SSUH2: variants seen among roughly 807,000 people sequenced by gnomAD.
The protein encoded by SSUH2 is protein SSUH2 homolog.
A neutral mutation model predicts 55.3 loss-of-function variants in SSUH2; 47 were observed. The ratio of observed to expected loss-of-function variants is 0.85; its 90% confidence interval spans 0.67 to 1.08. SSUH2 has a LOEUF of 1.08. SSUH2 is among the 50% of genes least tolerant of loss of function. The pLI is 0.00. For synonymous variants in SSUH2, 212 were observed against 191.5 expected (o/e 1.11, Z -0.89); for missense variants, 535 against 490.7 (o/e 1.09, Z -0.85).
chr3:8,648,749 T>C (rs114911226), upstream of SSUH2, among the ~76,000 whole-genome samples: 2,461 of 152,120 alleles, frequency 0.016, 61 homozygotes, highest in African/African-American at 0.056. Flanking sequence ...AAAACACAGG[T>C]GGGGAAATGA....
chr3:8,678,647 T>C lies in SSUH2; in HGVS notation c.-901+1058A>G, dbSNP rs13076018. Among the ~76,000 whole-genome samples the C allele has an allele frequency of 1.6e-4, 4 of 24,924 alleles. 1 individual carries two copies. The highest frequency in any genetic ancestry group is 1.3e-3 in the Admixed American group (3 of 2,378). 16.4% of individuals were successfully genotyped at this position (24,924 alleles called of 152,430 possible). ...CCGGCTTTTGGGACCCCCATCGCAG[T>C]GGGGGGAGGCACCCCCCGCGAGGCG... On this transcript the variant is annotated intron_variant, in intron 2 of 18. Transcript: ENST00000317371.
At chr3:8,665,324 G>C (rs1164732633) in intron 5 of SSUH2, among the ~76,000 whole-genome samples, 1 of 152,162 alleles carries the variant, frequency 6.6e-6, no homozygotes, top group Non-Finnish European at 1.5e-5. Context: ...TAGAGAGGGA[G>C]AATGTCCAGC....
At chr3:8,637,026 T>C (rs1276335811) in intron 1 of SSUH2, among the ~76,000 whole-genome samples, 1 of 152,218 alleles carries the variant, frequency 6.6e-6, no homozygotes, top group Non-Finnish European at 1.5e-5. Context: ...TTTTCTACTT[T>C]ATGATGGTAC....
intron 4 of SSUH2, among the ~76,000 whole-genome samples, chr3:8,632,893 T>A (rs1470105583): frequency 1.3e-5 from 2 of 152,192 alleles, no homozygotes; most frequent in East Asian, 3.9e-4. Context: ...CCATGCCTTG[T>A]GGAAGTATGA....
intron 5 of SSUH2, among the ~76,000 whole-genome samples, chr3:8,631,726 A>G (rs1698820901): frequency 6.6e-6 from 1 of 152,040 alleles, no homozygotes; most frequent in Non-Finnish European, 1.5e-5. Context: ...TAGGGGTGGC[A>G]TGAGGGGGTG....
intron 4 of SSUH2, among the ~76,000 whole-genome samples, chr3:8,671,701 T>C (rs1004692439): frequency 6.6e-6 from 1 of 152,134 alleles, no homozygotes; most frequent in African/African-American, 2.4e-5. Flanking sequence ...GTGACTTTAG[T>C]AGCGGCATGT....
At chr3:8,646,543 C>G (rs537517630), upstream of SSUH2, among the ~76,000 whole-genome samples, 2 of 152,182 alleles carry the variant, frequency 1.3e-5, no homozygotes, top group Non-Finnish European at 2.9e-5. Flanking sequence ...CTTTTCTGCA[C>G]GCTACTTAGA....
Position 8,626,241 on chromosome 3 carries a change from A to G in SSUH2, c.755T>C (p.Leu252Pro), listed in dbSNP as rs776222458. Residue 252 changes from leucine (L) to proline (P), a missense_variant, in exon 9 of 12, where the codon CTT becomes CCT. Physicochemically the swap from Leu to Pro is moderately conservative, Grantham distance 98 (BLOSUM62 -3). Coordinates refer to ENST00000544814, the MANE Select transcript of SSUH2 (RefSeq NM_001256748.3). ...GEKKLLHFIQ[L>P]VIMWKNSLFE... ...CACTGCCACATACCACATGATGACA[A>G]GCTGGATGAAGTGCAACAGCTTCTT... 1 of 1,614,018 alleles carries G rather than the reference A, an allele frequency of 6.2e-7. No homozygotes were observed. The highest frequency in any genetic ancestry group is 1.7e-5 in the Admixed American group (1 of 60,014).
chr3:8,651,684 TGAA>T (rs1559482948), intron 7 of SSUH2, among the ~76,000 whole-genome samples: 27 of 152,290 alleles, frequency 1.8e-4, no homozygotes, highest in Non-Finnish European at 1.6e-4. Flanking sequence ...GAGTCTCCCA[TGAA>T]GCCAAAAGTG....
At chr3:8,653,535 T>C (rs984571429) in intron 7 of SSUH2, among the ~76,000 whole-genome samples, 4 of 152,234 alleles carry the variant, frequency 2.6e-5, no homozygotes, top group Non-Finnish European at 5.9e-5. Context: ...GTCAACAGCA[T>C]ACACAGTTTT....
At chr3:8,657,282 A>G (rs1323851278) in intron 7 of SSUH2, among the ~76,000 whole-genome samples, 1 of 127,324 alleles carries the variant, frequency 7.9e-6, no homozygotes, top group East Asian at 2.8e-4. Flanking sequence ...CTGACACTGC[A>G]CTTGATGAGT....
upstream of SSUH2, among the ~76,000 whole-genome samples, chr3:8,647,018 T>C (rs1346575644): frequency 1.3e-5 from 2 of 152,214 alleles, no homozygotes; most frequent in Non-Finnish European, 2.9e-5. Flanking sequence ...TCTAAGAACC[T>C]TGTTTTTTCC....
intron 1 of SSUH2, among the ~76,000 whole-genome samples, 154 bp downstream of exon 1, chr3:8,644,577 T>C (rs1381831971): frequency 6.6e-6 from 1 of 152,188 alleles, no homozygotes; most frequent in African/African-American, 2.4e-5. Context: ...TTAGGGCAGA[T>C]GGAAGAGTTC....
At position 8,679,802 on chromosome 3, in the gene SSUH2, G is replaced by A. The variant is rs146532651; in HGVS notation, c.-998C>T. On this transcript the variant is annotated 5_prime_UTR_variant, in exon 2 of 19. Coordinates refer to the SSUH2 transcript ENST00000317371. Reference sequence around the variant, plus strand: ...TTTACTATCCCACAGGGGTCTGAACGCAGCCCAGGATCAGAAAGAAAGCAG... The same window carrying A: ...TTTACTATCCCACAGGGGTCTGAACACAGCCCAGGATCAGAAAGAAAGCAG... The A allele has an allele frequency of 3.5e-3, 545 of 153,638 alleles. 3 individuals carry two copies. Among genetic ancestry groups the A allele is most frequent in the African/African-American group, 0.012 (509 of 41,536 alleles). 9.5% of individuals were successfully genotyped at this position (153,638 alleles called of 1,614,324 possible). A position where few individuals can be genotyped will look rare whatever the true frequency, so the allele number is the denominator to read the frequency against.
At chr3:8,634,234 G>C in intron 3 of SSUH2, 1 of 586,218 alleles carries the variant, frequency 1.7e-6, no homozygotes, top group Non-Finnish European at 2.7e-6. Flanking sequence ...ATGATGGGAA[G>C]ACCCCAGCCA....
At chr3:8,659,786 G>A (rs1397263369) in intron 6 of SSUH2, 1 of 456,456 alleles carries the variant, frequency 2.2e-6, no homozygotes, top group Non-Finnish European at 4.4e-6. Flanking sequence ...AAGAGATATG[G>A]AGATTCATCA....
In SSUH2 at chr3:8,619,717, G is replaced by A; in HGVS notation, c.*151C>T. 4 of 832,924 alleles carry A rather than the reference G, an allele frequency of 4.8e-6. No homozygotes were observed. Among genetic ancestry groups the A allele is most frequent in the East Asian group, 2.7e-5 (1 of 37,648 alleles). The allele number at this position is 832,924 out of a possible 1,614,324, so 51.6% of individuals were successfully genotyped here. A position where few individuals can be genotyped will look rare whatever the true frequency, so the allele number is the denominator to read the frequency against. ...CAGAGGAGCTGTATAAGGGGTTGGA[G>A]CTTGATAGATGATAAGCTGGTTTTT... On this transcript the variant is annotated 3_prime_UTR_variant, in exon 12 of 12. Coordinates refer to ENST00000544814, the MANE Select transcript of SSUH2 (RefSeq NM_001256748.3).
chr3:8,663,947 G>T (rs1559517218), intron 5 of SSUH2: 1 of 408,482 alleles, frequency 2.4e-6, no homozygotes, highest in African/African-American at 2.1e-5. Flanking sequence ...TGGTTAGACA[G>T]TGAGGGATTC....
Position 8,629,682 on chromosome 3 carries a change from G to A in SSUH2, c.570C>T (p.Gly190=). The stretch of plus-strand genomic sequence containing the variant: ...GACTCACCGTGCCCGCCCCGTGGCA[G>A]CCGCTGCACTTGTACCGCCCACGCC... ...CHGRGRYKCS[G]CHGAGTVRCP... is the part of the protein sequence containing the mutation. Residue 190 remains glycine, a synonymous_variant, in exon 7 of 12, where the codon GGC becomes GGT. Transcript: ENST00000544814. 1 of 1,216,434 alleles carries A rather than the reference G, an allele frequency of 8.2e-7. No homozygotes were observed. 75.4% of individuals were successfully genotyped at this position (1,216,434 alleles called of 1,614,324 possible).
Sources: allele counts gnomAD v4.1 joint callset (sites outside exome capture counted in the v4.1 genomes callset), GRCh38; gene constraint gnomAD v4.1.1; transcripts MANE v1.5; gene names NCBI Gene and HGNC (gene_info 2026-07-23, HGNC 2026-07-21).